NELL1: variants seen among roughly 807,000 people sequenced by gnomAD.
The protein encoded by NELL1 is neural EGFL like 1.
NELL1 carries 76 observed loss-of-function variants against 107.4 expected under a neutral mutation model. That is an observed-to-expected ratio of 0.71 (90% confidence interval 0.59 to 0.86). NELL1 has a LOEUF of 0.86. Ranked by LOEUF, NELL1 falls within the 40% of genes least tolerant of loss-of-function variation. NELL1 has a pLI of 0.00. For missense variants in NELL1, 1,024 were observed against 1,005.5 expected (o/e 1.02, Z -0.25); for synonymous variants, 353 against 341.2 (o/e 1.03, Z -0.38).
intron 2 of NELL1, among the ~76,000 whole-genome samples, chr11:20,698,381 C>T (rs1210682401): frequency 6.6e-6 from 1 of 152,158 alleles, no homozygotes; most frequent in Non-Finnish European, 1.5e-5. Flanking sequence ...AGTCATGCTC[C>T]TTCTGCCATC....
At chr11:20,837,394 A>G (rs916047942) in intron 3 of NELL1, among the ~76,000 whole-genome samples, 1 of 150,642 alleles carries the variant, frequency 6.6e-6, no homozygotes, top group Non-Finnish European at 1.5e-5. Context: ...TTATAGAAAT[A>G]TTTATAGATA....
intron 15 of NELL1, among the ~76,000 whole-genome samples, chr11:21,500,087 TTTA>T (rs1377388766): frequency 6.6e-6 from 1 of 152,130 alleles, no homozygotes; most frequent in Non-Finnish European, 1.5e-5. Flanking sequence ...ATAATGAGAA[TTTA>T]TTATTTTGAT....
rs72097421 is a variant in NELL1, at chr11:21,443,867, G to GAA, written c.1645+72928_1645+72929dup. 2.9e-4 allele frequency among the ~76,000 whole-genome samples: 42 copies of GAA among 146,344 alleles called. No individual in the cohort carries two copies. The South Asian group carries it at 5.4e-3, about 19-fold the overall frequency. On this transcript the variant is annotated intron_variant, in intron 15 of 19. Coordinates refer to ENST00000357134, the MANE Select transcript of NELL1 (RefSeq NM_006157.5). ...AGCGAGACTCTGTCTCAAAGAAAAA[G>GAA]AAAAAAAAAAGAAAAGTAGGTTAAT...
Position 21,132,780 on chromosome 11 carries a change from G to A in NELL1, c.1426+19066G>A, listed in dbSNP as rs148705797. Among the ~76,000 whole-genome samples the A allele has an allele frequency of 4.2e-3, 635 of 152,232 alleles. 1 individual carries two copies. The highest frequency in any genetic ancestry group is 0.015 in the African/African-American group (605 of 41,544). ...TCTTGACATGGTGAGCAGTGGGGTG[G>A]GGGAGGGGAGTGTTAGAGGGGGTTC... On this transcript the variant is annotated intron_variant, in intron 13 of 19. Coordinates refer to ENST00000357134, the MANE Select transcript of NELL1 (RefSeq NM_006157.5).
intron 12 of NELL1, among the ~76,000 whole-genome samples, chr11:21,004,948 G>A (rs1167463777): frequency 6.6e-6 from 1 of 152,110 alleles, no homozygotes; most frequent in Non-Finnish European, 1.5e-5. Context: ...TCTTTTGGAA[G>A]CAAATAATGA....
chr11:20,744,389 A>C (rs1246065470), intron 2 of NELL1, among the ~76,000 whole-genome samples: 1 of 152,232 alleles, frequency 6.6e-6, no homozygotes, highest in Non-Finnish European at 1.5e-5. Context: ...CACTGTCTGA[A>C]CATGCTATAT....
chr11:20,703,458 G>A (rs539046105), intron 2 of NELL1, among the ~76,000 whole-genome samples: 2 of 152,178 alleles, frequency 1.3e-5, no homozygotes, highest in South Asian at 4.2e-4. Context: ...CCAGCTCCCG[G>A]ATTCATTGGT....
chr11:20,796,552 A>ATCT (rs1857172511), intron 3 of NELL1, among the ~76,000 whole-genome samples: 1 of 10,282 alleles, frequency 9.7e-5, no homozygotes, highest in African/African-American at 1.1e-4. Context: ...TGCCCTAAAA[A>ATCT]ATCTATCCTG....
chr11:21,073,104 T>C (rs1461559318), intron 12 of NELL1, among the ~76,000 whole-genome samples: 2 of 152,154 alleles, frequency 1.3e-5, no homozygotes, highest in African/African-American at 4.8e-5. Flanking sequence ...GTAGAAGATG[T>C]CTTGGAATAG....
chr11:20,885,411 C>T (rs547214280), intron 4 of NELL1, 33 bp from the exon 5 acceptor site: 3 of 1,384,420 alleles, frequency 2.2e-6, no homozygotes, highest in Admixed American at 1.7e-5. Context: ...CTTTGAGCCT[C>T]TCTATTAGTA....
intron 16 of NELL1, among the ~76,000 whole-genome samples, chr11:21,543,683 A>T (rs150137998): frequency 3.2e-4 from 48 of 152,126 alleles, no homozygotes; most frequent in African/African-American, 1.0e-3. Context: ...CCTGCCATAC[A>T]TAGATAAGCC....
chr11:21,240,066 T>G (rs1449227740), intron 14 of NELL1, among the ~76,000 whole-genome samples: 1 of 151,948 alleles, frequency 6.6e-6, no homozygotes, highest in Non-Finnish European at 1.5e-5. Context: ...GGGCAAAAGC[T>G]ATTACTTGGG....
chr11:21,478,895 A>G (rs1448896695), intron 15 of NELL1, among the ~76,000 whole-genome samples: 2 of 151,992 alleles, frequency 1.3e-5, no homozygotes, highest in East Asian at 3.9e-4. Context: ...CTGAATAAGT[A>G]TTTCTCAAAA....
intron 9 of NELL1, among the ~76,000 whole-genome samples, chr11:20,930,804 G>GTTT (rs35261027): frequency 1.5e-5 from 2 of 131,156 alleles, no homozygotes; most frequent in African/African-American, 2.7e-5. Context: ...TAAAACATCA[G>GTTT]TTTTTTTTTT....
At chr11:20,895,753 A>G (rs111744643) in intron 5 of NELL1, among the ~76,000 whole-genome samples, 6 of 151,630 alleles carry the variant, frequency 4.0e-5, no homozygotes, top group South Asian at 2.1e-4. Context: ...TGATCCACCC[A>G]CCTCGGCCTC....
At chr11:20,890,032 C>G (rs1564952219) in intron 5 of NELL1, among the ~76,000 whole-genome samples, 3 of 152,198 alleles carry the variant, frequency 2.0e-5, no homozygotes, top group African/African-American at 7.2e-5. Context: ...GTCCTGCTCC[C>G]TGTGCCACCC....
At chr11:20,932,122 T>C (rs1850631107) in intron 9 of NELL1, among the ~76,000 whole-genome samples, 1 of 152,112 alleles carries the variant, frequency 6.6e-6, no homozygotes, top group African/African-American at 2.4e-5. Flanking sequence ...TTGTTGGGTG[T>C]CTGCACTATT....
chr11:20,946,998 C>A (rs1478759759), intron 10 of NELL1, among the ~76,000 whole-genome samples: 1 of 151,652 alleles, frequency 6.6e-6, no homozygotes, highest in Non-Finnish European at 1.5e-5. Flanking sequence ...GTATTTACAT[C>A]ATAGAAATTA....
intron 2 of NELL1, among the ~76,000 whole-genome samples, chr11:20,710,992 A>T (rs1172960642): frequency 6.7e-6 from 1 of 149,714 alleles, no homozygotes; most frequent in Non-Finnish European, 1.5e-5. Flanking sequence ...TGTTTTATTT[A>T]TTTTTTTTGT....
Sources: gnomAD v4.1 joint callset for allele counts (sites outside exome capture counted in the v4.1 genomes callset) on GRCh38, gnomAD v4.1.1 for gene constraint, MANE v1.5 for transcripts, NCBI Gene and HGNC (gene_info 2026-07-23, HGNC 2026-07-21) for gene names.